SYNE1: variants seen among roughly 807,000 people sequenced by gnomAD.
SYNE1 encodes the protein spectrin repeat containing nuclear envelope protein 1.
In SYNE1, 616 loss-of-function variants were observed where a neutral mutation model predicts 1,111.0. That is an observed-to-expected ratio of 0.55 (90% CI 0.52 to 0.59). The LOEUF (loss-of-function observed/expected upper bound fraction) is 0.59, where lower values mean the gene tolerates loss of function less well. Among genes scored for constraint, SYNE1 ranks in the 20% least tolerant of loss-of-function variants. SYNE1 has a pLI of 0.00. For synonymous variants in SYNE1, 3,855 were observed against 3,825.8 expected (o/e 1.01, Z -0.28); for missense variants, 10,006 against 10,417.0 (o/e 0.96, Z 1.72).
intron 54 of SYNE1, among the ~76,000 whole-genome samples, chr6:152,386,384 C>G (rs957392778): frequency 6.6e-6 from 1 of 152,080 alleles, no homozygotes; most frequent in African/African-American, 2.4e-5. Context: ...AGTCATAGCT[C>G]TTAATCATTA....
At chr6:152,444,183 T>C (rs775116927) in intron 30 of SYNE1, among the ~76,000 whole-genome samples, 5 of 152,200 alleles carry the variant, frequency 3.3e-5, no homozygotes, top group Non-Finnish European at 7.3e-5. Context: ...TTTGATGTCA[T>C]CAAGTCACTC....
chr6:152,318,960 C>G lies in SYNE1; in HGVS notation c.16292G>C (p.Ser5431Thr). ...TTTAGCTAACTTCTGAATTTGCCGG[C>G]TGAGTTCCTGGCTCGTGGCCTTGCT... The part of the protein sequence containing the change: ...EQSKATSQEL[S>T]RQIQKLAKDL... Residue 5431 changes from serine to threonine, a missense_variant, in exon 85 of 146, where the codon AGC becomes ACC. Transcript: ENST00000367255. 2 of 1,614,208 alleles carry G rather than the reference C, an allele frequency of 1.2e-6. No individual in the cohort carries two copies. Among genetic ancestry groups the G allele is most frequent in the Non-Finnish European group, 1.7e-6 (2 of 1,180,042 alleles).
At chr6:152,401,475 T>C (rs1027795686) in intron 46 of SYNE1, 134 bp from the exon 47 acceptor site, 5 of 844,504 alleles carry the variant, frequency 5.9e-6, no homozygotes, top group African/African-American at 1.7e-5. Context: ...CCAATGTTAA[T>C]ATGCCTTTCC....
rs771536738 is a variant in SYNE1 at position 152,154,931 on chromosome 6, C to T, written c.24090G>A (p.Val8030=). 4.3e-6 allele frequency: 7 copies of T among 1,614,042 alleles called. No individual in the cohort carries two copies. The highest frequency in any genetic ancestry group is 2.2e-5 in the South Asian group (2 of 91,084). ...RTAAFPSSSG[V]IYTVAKEELK... ...GTTCTTCCTTGGCAACTGTATAGATCACCCCAGAAGAGCTGGGAAAAGCAG... is the reference window on the plus strand; with the variant it reads ...GTTCTTCCTTGGCAACTGTATAGATTACCCCAGAAGAGCTGGGAAAAGCAG... The change falls in exon 133 of 146, where the codon GTG becomes GTA. Residue 8030 remains valine, a synonymous_variant. Transcript: ENST00000367255.
At chr6:152,362,897 T>TA (rs2096958233) in intron 63 of SYNE1, among the ~76,000 whole-genome samples, 1 of 151,824 alleles carries the variant, frequency 6.6e-6, no homozygotes, top group Non-Finnish European at 1.5e-5. Flanking sequence ...TTTTTTTTTT[T>TA]AAGACAAAGT....
chr6:152,308,894 T>C (rs1318043201), intron 90 of SYNE1, among the ~76,000 whole-genome samples: 1 of 152,246 alleles, frequency 6.6e-6, no homozygotes, highest in Non-Finnish European at 1.5e-5. Context: ...CCTACTGATA[T>C]CGTCCTGAAG....
At chr6:152,402,710 G>A (rs952041797) in intron 46 of SYNE1, 1 of 152,044 alleles carries the variant, frequency 6.6e-6, no homozygotes, top group Non-Finnish European at 1.5e-5. Context: ...AGTATACATA[G>A]GGGTGCATGT....
chr6:152,346,134 T>C (rs919586710), intron 73 of SYNE1, among the ~76,000 whole-genome samples: 2 of 152,190 alleles, frequency 1.3e-5, no homozygotes, highest in Admixed American at 1.3e-4. Context: ...TTAAATTTCC[T>C]CAAATTCCTT....
At chr6:152,573,572 C>T (rs1595627344) in intron 3 of SYNE1, among the ~76,000 whole-genome samples, 1 of 152,196 alleles carries the variant, frequency 6.6e-6, no homozygotes, top group East Asian at 1.9e-4. Flanking sequence ...ATGACCCCAA[C>T]TTACCATTCT....
At chr6:152,279,260 A>G in intron 97 of SYNE1, among the ~76,000 whole-genome samples, 1 of 150,488 alleles carries the variant, frequency 6.6e-6, no homozygotes, top group Middle Eastern at 3.4e-3. Flanking sequence ...AAAAACAAAA[A>G]AGACTAAAAA....
chr6:152,237,306 C>CTTT (rs61142738), intron 108 of SYNE1, among the ~76,000 whole-genome samples: 2 of 119,628 alleles, frequency 1.7e-5, no homozygotes, highest in Non-Finnish European at 3.4e-5. Flanking sequence ...TGGGTATGCA[C>CTTT]TTTTTTTTTT....
chr6:152,456,883 T>TTTTG (rs926060180), intron 22 of SYNE1: 61 of 267,052 alleles, frequency 2.3e-4, no homozygotes, highest in Admixed American at 7.2e-4. Flanking sequence ...AGCATGGTTT[T>TTTTG]TTTGTTTGTT....
Position 152,122,243 on chromosome 6 carries a change from G to C in SYNE1, c.*193C>G. On this transcript the variant is annotated 3_prime_UTR_variant, in exon 146 of 146. Coordinates refer to ENST00000367255, the MANE Select transcript of SYNE1 (RefSeq NM_182961.4). ...TTTCTTCCAAACCTTCTTGTTGTCT[G>C]TTTGTTCCCCCGTCACTGTTTATCT... 1 of 817,310 alleles carries C rather than the reference G, an allele frequency of 1.2e-6. No individual in the cohort carries two copies. The highest frequency in any genetic ancestry group is 1.9e-6 in the Non-Finnish European group (1 of 515,954). The allele number at this position is 817,310 out of a possible 1,614,324, so 50.6% of individuals were successfully genotyped here.
In SYNE1 at chr6:152,422,205, C is replaced by A. The variant is rs561753057; in HGVS notation, c.5268-2483G>T. Among the ~76,000 whole-genome samples the A allele has an allele frequency of 8.4e-4, 128 of 152,312 alleles. No individual in the cohort carries two copies. The Middle Eastern group carries it at 0.01, about 12-fold the overall frequency. On this transcript the variant is annotated intron_variant, in intron 39 of 145. Transcript: ENST00000367255. ...GCTACTGCAATCTGAAGATGCTTCACAAACTCTAGAAAAACAAGTCTATAG... is the reference window on the plus strand; with the variant it reads ...GCTACTGCAATCTGAAGATGCTTCAAAAACTCTAGAAAAACAAGTCTATAG...
In SYNE1 at chr6:152,236,140, T is replaced by G. The variant is rs1373886589; in HGVS notation, c.20363A>C (p.His6788Pro). ...SNTNKMSKEL[H>P]RLETILKHWT... ...GTGTTTCAATATTGTTTCCAGTCTGTGAAGTTCCTTAGACATTTTATTGGT... is the reference window on the plus strand; with the variant it reads ...GTGTTTCAATATTGTTTCCAGTCTGGGAAGTTCCTTAGACATTTTATTGGT... The change falls in exon 110 of 146, where the codon CAC becomes CCC. Residue 6788 changes from histidine (H) to proline (P), a missense_variant. Coordinates refer to ENST00000367255, the MANE Select transcript of SYNE1 (RefSeq NM_182961.4). The G allele has an allele frequency of 1.2e-6, 2 of 1,614,098 alleles. No individual in the cohort carries two copies. The highest frequency in any genetic ancestry group is 8.5e-7 in the Non-Finnish European group (1 of 1,180,030).
At chr6:152,308,308 G>A (rs942959658) in intron 91 of SYNE1, among the ~76,000 whole-genome samples, 181 bp downstream of exon 91, 3 of 152,132 alleles carry the variant, frequency 2.0e-5, no homozygotes, top group African/African-American at 4.8e-5. Context: ...GGGAACGCAC[G>A]TGTTACTGAA....
At chr6:152,284,850 C>T (rs1195778092) in intron 95 of SYNE1, among the ~76,000 whole-genome samples, 1 of 152,050 alleles carries the variant, frequency 6.6e-6, no homozygotes, top group Admixed American at 6.6e-5. Context: ...AAATCTGAAA[C>T]AGCATTGAAC....
At chr6:152,555,207 T>C (rs963875095) in intron 3 of SYNE1, among the ~76,000 whole-genome samples, 1 of 152,198 alleles carries the variant, frequency 6.6e-6, no homozygotes, top group African/African-American at 2.4e-5. Context: ...TTTGGGGAAA[T>C]TGGAAAAGAT....
intron 107 of SYNE1, among the ~76,000 whole-genome samples, chr6:152,240,387 G>A (rs116220217): frequency 2.0e-5 from 3 of 152,104 alleles, no homozygotes; most frequent in Non-Finnish European, 2.9e-5. Context: ...GGATATTTGC[G>A]TGCTCATTCC....
Sources: allele counts gnomAD v4.1 joint callset (sites outside exome capture counted in the v4.1 genomes callset), GRCh38; gene constraint gnomAD v4.1.1; transcripts MANE v1.5; gene names NCBI Gene and HGNC (gene_info 2026-07-23, HGNC 2026-07-21).